LRP1B: variants seen among roughly 807,000 people sequenced by gnomAD.
The protein encoded by LRP1B is LDL receptor related protein 1B, also known as low-density lipoprotein receptor-related protein 1B.
LRP1B carries 217 observed loss-of-function variants against 556.6 expected under a neutral mutation model. The ratio of observed to expected loss-of-function variants is 0.39; its 90% CI spans 0.35 to 0.44. The LOEUF is 0.44. Ranked by LOEUF, LRP1B falls within the 20% of genes least tolerant of loss-of-function variation. The pLI, the probability that LRP1B is intolerant of heterozygous loss-of-function variation, is 1.00. For missense variants in LRP1B, 5,053 were observed against 5,620.8 expected (o/e 0.90, Z 3.23); for synonymous variants, 2,047 against 1,865.8 (o/e 1.10, Z -2.50).
intron 2 of LRP1B, among the ~76,000 whole-genome samples, chr2:141,703,205 C>A (rs966116476): frequency 6.8e-6 from 1 of 147,346 alleles, no homozygotes; most frequent in Non-Finnish European, 1.5e-5. Flanking sequence ...TTATTTCTAA[C>A]CTAAGGAAAG....
chr2:141,835,875 T>C (rs1558907756), intron 1 of LRP1B, among the ~76,000 whole-genome samples: 1 of 151,930 alleles, frequency 6.6e-6, no homozygotes, highest in Non-Finnish European at 1.5e-5. Context: ...TGAATATACA[T>C]GTACATATAG....
chr2:141,862,510 G>A (rs1406870514), intron 1 of LRP1B, among the ~76,000 whole-genome samples: 1 of 152,152 alleles, frequency 6.6e-6, no homozygotes, highest in Non-Finnish European at 1.5e-5. Context: ...CCCAGTTCAA[G>A]CAATTATCCT....
intron 72 of LRP1B, among the ~76,000 whole-genome samples, chr2:140,360,276 C>T (rs1359680245): frequency 2.0e-5 from 3 of 151,622 alleles, no homozygotes; most frequent in Admixed American, 1.3e-4. Context: ...TTTATTACAG[C>T]TTCTTAAATA....
At chr2:142,087,313 T>G (rs534047517) in intron 1 of LRP1B, among the ~76,000 whole-genome samples, 95 of 152,166 alleles carry the variant, frequency 6.2e-4, no homozygotes, top group African/African-American at 2.2e-3. Context: ...TAAACTACCC[T>G]TTATTTGATC....
chr2:141,108,185 A>G (rs1700654860), intron 7 of LRP1B, among the ~76,000 whole-genome samples: 3 of 152,186 alleles, frequency 2.0e-5, no homozygotes, highest in Admixed American at 1.3e-4. Flanking sequence ...AGAACTTCTT[A>G]TATCAGAACT....
intron 43 of LRP1B, among the ~76,000 whole-genome samples, chr2:140,583,512 T>C (rs1234965922): frequency 1.3e-5 from 2 of 152,044 alleles, no homozygotes; most frequent in East Asian, 3.9e-4. Context: ...TATTTAGTTT[T>C]TCTTCCCTCT....
chr2:141,995,686 T>A (rs1702470383), intron 1 of LRP1B, among the ~76,000 whole-genome samples: 2 of 152,184 alleles, frequency 1.3e-5, no homozygotes, highest in African/African-American at 4.8e-5. Flanking sequence ...AAAATCCCTA[T>A]CCATTAGAAA....
intron 7 of LRP1B, among the ~76,000 whole-genome samples, chr2:141,113,628 T>C: frequency 6.6e-6 from 1 of 152,142 alleles, no homozygotes; most frequent in Non-Finnish European, 1.5e-5. Context: ...CCAACACTGG[T>C]ACCTCACCTC....
At chr2:141,487,029 A>G (rs2105103322) in intron 2 of LRP1B, among the ~76,000 whole-genome samples, 1 of 152,180 alleles carries the variant, frequency 6.6e-6, no homozygotes, top group South Asian at 2.1e-4. Flanking sequence ...GGCCTCTTAT[A>G]TTCTATTCAC....
chr2:141,243,796 G>A (rs1272463726), intron 5 of LRP1B, among the ~76,000 whole-genome samples: 2 of 152,120 alleles, frequency 1.3e-5, no homozygotes, highest in Non-Finnish European at 2.9e-5. Context: ...ACTAAGCGTA[G>A]AAAGGAGAAA....
At chr2:141,573,987 T>G (rs10196328) in intron 2 of LRP1B, among the ~76,000 whole-genome samples, 3,987 of 152,162 alleles carry the variant, frequency 0.026, 95 homozygotes, top group East Asian at 0.075. Flanking sequence ...CAGGACTAGA[T>G]AGAGTTACAG....
chr2:141,096,621 GGAGAGGGGGAGAGAGAGAGAGAGAGAGA>G (rs1558858025), intron 7 of LRP1B, among the ~76,000 whole-genome samples: 3 of 39,894 alleles, frequency 7.5e-5, no homozygotes, highest in African/African-American at 1.9e-4. Flanking sequence ...ACAAAGACGG[GGAGAGGGGGAGAGAGAGAGAGAGAGAGA>G]GAGAGAGAGA....
At chr2:142,105,784 T>A (rs1273957640) in intron 1 of LRP1B, among the ~76,000 whole-genome samples, 1 of 152,176 alleles carries the variant, frequency 6.6e-6, no homozygotes, top group African/African-American at 2.4e-5. Context: ...CTTCAATTAT[T>A]AATATACGTA....
intron 2 of LRP1B, among the ~76,000 whole-genome samples, chr2:141,590,104 AAT>A (rs1452195596): frequency 6.6e-6 from 1 of 152,130 alleles, no homozygotes; most frequent in Non-Finnish European, 1.5e-5. Context: ...CAGAAAAAAA[AAT>A]GGTTATTTTT....
intron 66 of LRP1B, among the ~76,000 whole-genome samples, chr2:140,434,128 G>A (rs972867757): frequency 6.6e-6 from 1 of 151,698 alleles, no homozygotes; most frequent in Admixed American, 6.6e-5. Flanking sequence ...GGAGTGTAGT[G>A]GTGCGATCTC....
rs1695005407 is a variant in LRP1B at position 140,930,060 on chromosome 2, T to C, written c.3137-6913A>G. Among the ~76,000 whole-genome samples, 5 of 152,074 alleles carry C rather than the reference T, an allele frequency of 3.3e-5. No homozygotes were observed. In the South Asian group the frequency reaches 1.0e-3, roughly 31 times the overall value. ...AAGAACCTATGATGACCATTCCAGC[T>C]TGAGTTCCAAGCCGGTATGGTTCCC... On this transcript the variant is annotated intron_variant, in intron 20 of 90. Coordinates refer to ENST00000389484, the MANE Select transcript of LRP1B (RefSeq NM_018557.3).
chr2:140,459,288 C>T (rs966001473), intron 60 of LRP1B, among the ~76,000 whole-genome samples: 1 of 151,994 alleles, frequency 6.6e-6, no homozygotes, highest in Non-Finnish European at 1.5e-5. Context: ...TTAATTGAAT[C>T]TTGGTGATGG....
chr2:141,699,942 CTG>C, intron 2 of LRP1B, among the ~76,000 whole-genome samples: 1 of 149,996 alleles, frequency 6.7e-6, no homozygotes, highest in Non-Finnish European at 1.5e-5. Context: ...CTGATTTACT[CTG>C]TGTTAAGAAA....
intron 60 of LRP1B, among the ~76,000 whole-genome samples, chr2:140,468,238 T>C (rs1025989050): frequency 3.3e-5 from 5 of 152,152 alleles, no homozygotes; most frequent in African/African-American, 1.2e-4. Context: ...GCTGTCCCTT[T>C]GGAAGTCAAA....
Sources: gnomAD v4.1 joint callset for allele counts (sites outside exome capture counted in the v4.1 genomes callset) on GRCh38, gnomAD v4.1.1 for gene constraint, MANE v1.5 for transcripts, NCBI Gene and HGNC (gene_info 2026-07-23, HGNC 2026-07-21) for gene names.